TTC6: variants seen among roughly 807,000 people sequenced by gnomAD.
TTC6 encodes the protein tetratricopeptide repeat protein 6.
In TTC6, 172 loss-of-function variants were observed where a neutral mutation model predicts 210.4. The observed-to-expected ratio is 0.82, with a 90% confidence interval of 0.72 to 0.93. The LOEUF is 0.93. Among genes scored for constraint, TTC6 ranks in the 40% least tolerant of loss-of-function variants. TTC6 has a pLI of 0.00. For missense variants in TTC6, 2,414 were observed against 2,318.1 expected (o/e 1.04, Z -0.85); for synonymous variants, 804 against 819.6 (o/e 0.98, Z 0.32).
At chr14:37,799,928 T>C (rs2096102186) in intron 20 of TTC6, among the ~76,000 whole-genome samples, 1 of 152,202 alleles carries the variant, frequency 6.6e-6, no homozygotes, top group Admixed American at 6.5e-5. Context: ...TCACCTCTGC[T>C]TGTTCGTCAA....
chr14:37,776,629 A>G (rs1367326095), intron 14 of TTC6, among the ~76,000 whole-genome samples: 1 of 152,128 alleles, frequency 6.6e-6, no homozygotes, highest in Admixed American at 6.5e-5. Context: ...TTTCTTTAAG[A>G]ATGCTGAATA....
intron 13 of TTC6, 92 bp from the exon 16 acceptor site, chr14:37,753,007 A>G: frequency 3.0e-6 from 3 of 998,166 alleles, no homozygotes; most frequent in Admixed American, 3.6e-5. Flanking sequence ...ATTAACCCGA[A>G]GTTAAAAACA....
intron 29 of TTC6, 149 bp from the exon 32 acceptor site, chr14:37,841,296 G>A: frequency 1.5e-6 from 1 of 663,936 alleles, no homozygotes; most frequent in Non-Finnish European, 2.5e-6. Flanking sequence ...ATTCTCTGCA[G>A]ACAATGCACC....
chr14:37,688,258 G>A (rs1000766195), intron 3 of TTC6, among the ~76,000 whole-genome samples: 4 of 152,190 alleles, frequency 2.6e-5, no homozygotes, highest in African/African-American at 9.7e-5. Flanking sequence ...TTTGTGGTTT[G>A]AGTGCCAGTT....
At chr14:37,634,830 A>C (rs746899730) in intron 1 of TTC6, among the ~76,000 whole-genome samples, 1 of 152,348 alleles carries the variant, frequency 6.6e-6, no homozygotes, top group African/African-American at 2.4e-5. Context: ...AGCATTTTGA[A>C]ATGCTGAAAG....
intron 1 of TTC6, among the ~76,000 whole-genome samples, chr14:37,626,509 T>C (rs1290011022): frequency 6.6e-6 from 1 of 152,174 alleles, no homozygotes; most frequent in African/African-American, 2.4e-5. Context: ...ATAGATATCC[T>C]TTTTCTCTAT....
chr14:37,696,878 T>C (rs1166055290), intron 4 of TTC6, 43 bp downstream of exon 6: 15 of 852,760 alleles, frequency 1.8e-5, no homozygotes, highest in Non-Finnish European at 2.5e-5. Context: ...GGAGAGGAGT[T>C]ATTCAGTAGC....
chr14:37,647,131 A>G (rs2095703046), intron 1 of TTC6, among the ~76,000 whole-genome samples: 1 of 152,212 alleles, frequency 6.6e-6, no homozygotes, highest in South Asian at 2.1e-4. Flanking sequence ...AGGGACTAGT[A>G]CTGTCCCTTC....
At chr14:37,787,383 A>T in intron 14 of TTC6, 85 bp from the exon 17 acceptor site, 1 of 959,250 alleles carries the variant, frequency 1.0e-6, no homozygotes, top group Non-Finnish European at 1.4e-6. Context: ...ATTGTTATTC[A>T]AATATAAAAT....
intron 12 of TTC6, among the ~76,000 whole-genome samples, chr14:37,750,620 C>T (rs367770604): frequency 2.0e-5 from 3 of 152,226 alleles, no homozygotes; most frequent in Non-Finnish European, 2.9e-5. Context: ...GGCACAGTGG[C>T]TTACGCCTGT....
intron 12 of TTC6, among the ~76,000 whole-genome samples, chr14:37,750,413 A>T (rs978485054): frequency 6.8e-6 from 1 of 148,106 alleles, no homozygotes; most frequent in African/African-American, 2.5e-5. Flanking sequence ...AAGTCCATTA[A>T]GTTTTGTGTC....
intron 1 of TTC6, among the ~76,000 whole-genome samples, chr14:37,668,616 A>C (rs796802219): frequency 6.6e-6 from 1 of 152,332 alleles, no homozygotes; most frequent in African/African-American, 2.4e-5. Flanking sequence ...TAAAGCAATA[A>C]AATGGATAAA....
At chr14:37,753,591 T>A (rs1340802076) in intron 14 of TTC6, among the ~76,000 whole-genome samples, 1 of 152,196 alleles carries the variant, frequency 6.6e-6, no homozygotes, top group East Asian at 1.9e-4. Context: ...TTTATAGAGA[T>A]GGAGTCTCAC....
intron 14 of TTC6, among the ~76,000 whole-genome samples, chr14:37,768,434 C>CATGGA (rs1349598923): frequency 2.0e-5 from 3 of 152,064 alleles, no homozygotes; most frequent in Non-Finnish European, 1.5e-5. Flanking sequence ...TACCCATGAG[C>CATGGA]ATGGAATGTT....
At chr14:37,782,234 C>A (rs1327302044) in intron 14 of TTC6, among the ~76,000 whole-genome samples, 1 of 152,042 alleles carries the variant, frequency 6.6e-6, no homozygotes, top group Non-Finnish European at 1.5e-5. Context: ...ACCATTTTCA[C>A]GATATTGATT....
chr14:37,599,076 G>A (rs2095610203), intron 1 of TTC6, among the ~76,000 whole-genome samples: 1 of 152,176 alleles, frequency 6.6e-6, no homozygotes. Context: ...GGAAGGCCTG[G>A]GACGCTGGAA....
intron 15 of TTC6, among the ~76,000 whole-genome samples, chr14:37,788,836 C>T (rs1360324757): frequency 1.3e-5 from 2 of 151,992 alleles, no homozygotes; most frequent in Non-Finnish European, 2.9e-5. Flanking sequence ...AAGATCAAAC[C>T]ACCCCCATTT....
At chr14:37,652,443 C>G (rs75461678) in intron 1 of TTC6, among the ~76,000 whole-genome samples, 30,075 of 151,864 alleles carry the variant, frequency 0.2, 3,374 homozygotes, top group South Asian at 0.27. Flanking sequence ...GAGAGAGAGA[C>G]GGAAGATGCA....
intron 14 of TTC6, among the ~76,000 whole-genome samples, chr14:37,776,794 A>G (rs1481095996): frequency 6.6e-6 from 1 of 150,702 alleles, no homozygotes; most frequent in African/African-American, 2.4e-5. Flanking sequence ...CTGAGGCAGG[A>G]GAATCACTTA....
Sources: gnomAD v4.1 joint callset for allele counts (sites outside exome capture counted in the v4.1 genomes callset) on GRCh38, gnomAD v4.1.1 for gene constraint, MANE v1.5 for transcripts, NCBI Gene and HGNC (gene_info 2026-07-23, HGNC 2026-07-21) for gene names.